MIPOL1: variants seen among roughly 807,000 people sequenced by gnomAD.
MIPOL1 encodes the protein mirror-image polydactyly gene 1 protein.
A neutral mutation model predicts 60.9 loss-of-function variants in MIPOL1; 57 were observed. The ratio of observed to expected loss-of-function variants is 0.94; its 90% CI spans 0.76 to 1.17. The LOEUF (loss-of-function observed/expected upper bound fraction) is 1.17, where lower values mean the gene tolerates loss of function less well. Ranked by LOEUF, MIPOL1 falls within the 50% of genes most tolerant of loss-of-function variation. MIPOL1 has a pLI of 0.00. For missense variants in MIPOL1, 551 were observed against 511.6 expected (o/e 1.08, Z -0.74); for synonymous variants, 179 against 168.8 (o/e 1.06, Z -0.47).
chr14:37,510,008 A>C (rs1302022981), intron 12 of MIPOL1, among the ~76,000 whole-genome samples: 2 of 151,544 alleles, frequency 1.3e-5, no homozygotes, highest in African/African-American at 4.9e-5. Flanking sequence ...CACATAGTTT[A>C]TATATGTATA....
chr14:37,319,731 C>G (rs2088345334), intron 9 of MIPOL1, among the ~76,000 whole-genome samples: 1 of 152,050 alleles, frequency 6.6e-6, no homozygotes, highest in Non-Finnish European at 1.5e-5. Context: ...TATGTGTGTT[C>G]CCTTGAAAGC....
intron 11 of MIPOL1, among the ~76,000 whole-genome samples, chr14:37,476,198 A>T (rs2094771215): frequency 6.6e-6 from 1 of 152,166 alleles, no homozygotes; most frequent in South Asian, 2.1e-4. Context: ...TTGTTGCTAT[A>T]TAGGAAAGCA....
At chr14:37,463,990 A>C (rs2094569601) in intron 11 of MIPOL1, among the ~76,000 whole-genome samples, 2 of 152,224 alleles carry the variant, frequency 1.3e-5, no homozygotes, top group Non-Finnish European at 2.9e-5. Flanking sequence ...ACATGTGGCC[A>C]ACAAACATAT....
At position 37,305,496 on chromosome 14, in the gene MIPOL1, G is replaced by T. The variant is rs546099671; in HGVS notation, c.624-2560G>T. Among the ~76,000 whole-genome samples, 8 of 151,780 alleles carry T rather than the reference G, an allele frequency of 5.3e-5. No individual in the cohort carries two copies. In the South Asian group the frequency reaches 1.7e-3, roughly 31 times the overall value. ...GCAGAATTTAGTAGCTATGATAAGA[G>T]AGCCTATGGTAAAGCCTAAAATAAT... is the stretch of plus-strand genomic sequence containing the variant. On this transcript the variant is annotated intron_variant, in intron 7 of 12. Coordinates refer to ENST00000684589, the MANE Select transcript of MIPOL1 (RefSeq NM_001388067.1).
chr14:37,279,102 G>A (rs182818177), intron 6 of MIPOL1, among the ~76,000 whole-genome samples: 3 of 151,116 alleles, frequency 2.0e-5, no homozygotes, highest in African/African-American at 7.3e-5. Context: ...TACTTGGTTG[G>A]CTTACATAGT....
chr14:37,355,139 A>G (rs1247331935), intron 9 of MIPOL1, among the ~76,000 whole-genome samples: 1 of 149,632 alleles, frequency 6.7e-6, no homozygotes, highest in Admixed American at 6.8e-5. Flanking sequence ...TTGTCTGTAA[A>G]GTATTTTATT....
At chr14:37,543,051 G>C (rs1460465328) in intron 12 of MIPOL1, among the ~76,000 whole-genome samples, 1 of 151,954 alleles carries the variant, frequency 6.6e-6, no homozygotes, top group Non-Finnish European at 1.5e-5. Flanking sequence ...CCATTATCTT[G>C]ATTAGGGCAT....
Position 37,373,851 on chromosome 14 carries a change from C to A in MIPOL1, c.936+4227C>A, listed in dbSNP as rs527845455. On this transcript the variant is annotated intron_variant, in intron 10 of 12. Transcript: ENST00000684589. ...CAGTTCCACAATAAACATAAGTGTGCATGTGTCTTTATAGTAGAATGATTT... is the reference window on the plus strand; with the variant it reads ...CAGTTCCACAATAAACATAAGTGTGAATGTGTCTTTATAGTAGAATGATTT... Among the ~76,000 whole-genome samples, 13 of 152,226 alleles carry A rather than the reference C, an allele frequency of 8.5e-5. No individual in the cohort carries two copies. In the South Asian group the frequency reaches 1.9e-3, roughly 22 times the overall value.
intron 11 of MIPOL1, among the ~76,000 whole-genome samples, chr14:37,469,762 A>G (rs1209561735): frequency 2.0e-5 from 3 of 151,954 alleles, no homozygotes; most frequent in Non-Finnish European, 2.9e-5. Flanking sequence ...TTAGCAGTGC[A>G]CTCCTAAAAA....
Position 37,302,018 on chromosome 14 carries a change from G to A in MIPOL1, c.624-6038G>A, listed in dbSNP as rs1236139545. 2.3e-3 allele frequency among the ~76,000 whole-genome samples: 5 copies of A among 2,208 alleles called. 2 individuals are homozygous for A. Among genetic ancestry groups the A allele is most frequent in the African/African-American group, 2.5e-3 (5 of 2,020 alleles). The allele number at this position is 2,208 out of a possible 152,430, so 1.4% of individuals were successfully genotyped here. On this transcript the variant is annotated intron_variant, in intron 7 of 12. Coordinates refer to ENST00000684589, the MANE Select transcript of MIPOL1 (RefSeq NM_001388067.1). ...CATTCCTTTGTATAAAGGATATCTTGGTTACTTCTATGTTTGGTGATTTTG... is the reference window on the plus strand; with the variant it reads ...CATTCCTTTGTATAAAGGATATCTTAGTTACTTCTATGTTTGGTGATTTTG...
chr14:37,349,651 C>A (rs185727811), intron 9 of MIPOL1, among the ~76,000 whole-genome samples: 1 of 152,162 alleles, frequency 6.6e-6, no homozygotes, highest in Non-Finnish European at 1.5e-5. Flanking sequence ...TATGTCTTTT[C>A]TATGTGAAAT....
At chr14:37,415,250 ATGAGT>A (rs1236090816) in intron 10 of MIPOL1, among the ~76,000 whole-genome samples, 2 of 152,144 alleles carry the variant, frequency 1.3e-5, no homozygotes, top group Non-Finnish European at 2.9e-5. Context: ...AATAAACTAT[ATGAGT>A]TATGTTTAAA....
chr14:37,302,262 G>GTTTTTTTTTTT (rs57468146), intron 7 of MIPOL1, among the ~76,000 whole-genome samples: 3 of 95,032 alleles, frequency 3.2e-5, no homozygotes, highest in African/African-American at 3.8e-5. Context: ...TGGAACTGTT[G>GTTTTTTTTTTT]TTTTTTTTTT....
intron 11 of MIPOL1, among the ~76,000 whole-genome samples, chr14:37,481,451 T>A (rs1393330876): frequency 6.6e-6 from 1 of 151,744 alleles, no homozygotes; most frequent in African/African-American, 2.4e-5. Flanking sequence ...TCACACCAAA[T>A]GATCTACCCA....
intron 12 of MIPOL1, among the ~76,000 whole-genome samples, chr14:37,522,326 A>G (rs1032507271): frequency 6.6e-6 from 1 of 152,200 alleles, no homozygotes; most frequent in Non-Finnish European, 1.5e-5. Flanking sequence ...ATAGTTTGTT[A>G]TAGAATAGTT....
At chr14:37,400,258 A>G (rs1295466333) in intron 10 of MIPOL1, 2 of 152,090 alleles carry the variant, frequency 1.3e-5, no homozygotes, top group African/African-American at 4.8e-5. Flanking sequence ...AATGTGAGGC[A>G]TTTTGAAATA....
At chr14:37,244,245 G>A (rs1192866763) in intron 1 of MIPOL1, among the ~76,000 whole-genome samples, 2 of 148,490 alleles carry the variant, frequency 1.3e-5, no homozygotes, top group Admixed American at 6.8e-5. Context: ...TCAGCCTCCC[G>A]AGTAGCTGGG....
chr14:37,508,632 C>G (rs1474357812), intron 12 of MIPOL1, among the ~76,000 whole-genome samples: 1 of 152,138 alleles, frequency 6.6e-6, no homozygotes, highest in African/African-American at 2.4e-5. Context: ...AATAATGCTT[C>G]TATCTCATAA....
intron 11 of MIPOL1, among the ~76,000 whole-genome samples, chr14:37,428,633 T>A (rs962260740): frequency 1.3e-5 from 2 of 151,466 alleles, no homozygotes; most frequent in South Asian, 2.1e-4. Flanking sequence ...GGCCTTTTTT[T>A]TAAAAAAGTG....
Sources: gnomAD v4.1 joint callset for allele counts (sites outside exome capture counted in the v4.1 genomes callset) on GRCh38, gnomAD v4.1.1 for gene constraint, MANE v1.5 for transcripts, NCBI Gene and HGNC (gene_info 2026-07-23, HGNC 2026-07-21) for gene names.